The following ANGPTL5 variants were observed in gnomAD, a reference collection of about 807,000 sequenced individuals.
ANGPTL5 encodes the protein angiopoietin-related protein 5.
Under a neutral mutation model 39.4 loss-of-function variants are expected in ANGPTL5, and 34 were observed. The observed-to-expected ratio is 0.86, with a 90% CI of 0.66 to 1.15. ANGPTL5 has a LOEUF of 1.15. ANGPTL5 is among the 50% of genes most tolerant of loss of function. ANGPTL5 has a pLI of 0.00. For synonymous variants in ANGPTL5, 146 were observed against 152.1 expected (o/e 0.96, Z 0.29); for missense variants, 467 against 457.5 (o/e 1.02, Z -0.19).
intron 1 of ANGPTL5, 47 bp from the exon 2 acceptor site, chr11:101,908,048 A>T: frequency 1.5e-6 from 1 of 646,956 alleles, no homozygotes; most frequent in Non-Finnish European, 2.8e-6. Context: ...ACTAGTTTCC[A>T]TGCCCTGGTT....
intron 3 of ANGPTL5, 30 bp from the exon 4 acceptor site, chr11:101,905,877 T>A (rs764906583): frequency 7.2e-6 from 9 of 1,244,630 alleles, no homozygotes; most frequent in Non-Finnish European, 1.1e-5. Flanking sequence ...GGCTGTTAAA[T>A]ATTATATTGT....
In ANGPTL5 at chr11:101,891,387, C is replaced by A. The variant is rs142977782; in HGVS notation, c.1059G>T (p.Leu353Phe). ...TGCCCCATTGAATTCCAGTTGCAAGCAATTTTCCAGAGAAGTGATGAATGC... is the reference window on the plus strand; with the variant it reads ...TGCCCCATTGAATTCCAGTTGCAAGAAATTTTCCAGAGAAGTGATGAATGC... ...LNGIHHFSGK[L>F]LATGIQWGTW... Residue 353 changes from leucine to phenylalanine, a missense_variant, in exon 9 of 9, where the codon TTG (leucine) becomes TTT (phenylalanine). Transcript: ENST00000334289. 1 of 1,613,996 alleles carries A rather than the reference C, an allele frequency of 6.2e-7. No homozygotes were observed. The highest frequency in any genetic ancestry group is 8.5e-7 in the Non-Finnish European group (1 of 1,179,970).
At chr11:101,899,997 T>C (rs1939865428) in intron 7 of ANGPTL5, among the ~76,000 whole-genome samples, 1 of 152,198 alleles carries the variant, frequency 6.6e-6, no homozygotes, top group African/African-American at 2.4e-5. Context: ...AATAATATGC[T>C]CAGTTTAAAT....
At position 101,891,153 on chromosome 11, in the gene ANGPTL5, A is replaced by G; in HGVS notation, c.*126T>C. The G allele has an allele frequency of 2.4e-6, 2 of 821,078 alleles. No homozygotes were observed. The allele number at this position is 821,078 out of a possible 1,614,324, so 50.9% of individuals were successfully genotyped here. ...ATTGAAGTTTTCTAATTAAACTCAT[A>G]ACATCTAAATGCCATCTACAGTTAA... On this transcript the variant is annotated 3_prime_UTR_variant, in exon 9 of 9. Transcript: ENST00000334289.
intron 6 of ANGPTL5, 69 bp from the exon 7 acceptor site, chr11:101,900,619 T>C (rs1939877383): frequency 6.6e-7 from 1 of 1,523,576 alleles, no homozygotes; most frequent in South Asian, 1.1e-5. Context: ...ATAACACTCA[T>C]GCTTCATCCT....
At chr11:101,891,680 G>A in intron 8 of ANGPTL5, 82 bp from the exon 9 acceptor site, 1 of 1,303,624 alleles carries the variant, frequency 7.7e-7, no homozygotes, top group Non-Finnish European at 1.1e-6. Flanking sequence ...TTAGGCAAGA[G>A]CACCACATCT....
intron 1 of ANGPTL5, chr11:101,915,253 GGGCGAGCAGACA>G: frequency 6.2e-7 from 1 of 1,611,936 alleles, no homozygotes; most frequent in Non-Finnish European, 8.5e-7. Context: ...GAGGTTCTGG[GGGCGAGCAGACA>G]GGCGGCGCTG....
intron 7 of ANGPTL5, among the ~76,000 whole-genome samples, chr11:101,896,288 G>A (rs910147770): frequency 2.6e-5 from 4 of 151,002 alleles, no homozygotes; most frequent in South Asian, 2.1e-4. Context: ...CAGTTCAAGC[G>A]ATTCTCATGC....
intron 7 of ANGPTL5, among the ~76,000 whole-genome samples, chr11:101,899,117 T>C (rs1302354028): frequency 6.6e-6 from 1 of 152,220 alleles, no homozygotes; most frequent in South Asian, 2.1e-4. Flanking sequence ...TTTTTTGTTG[T>C]GTCTCTGCCA....
At chr11:101,912,024 C>T (rs932240800) in intron 1 of ANGPTL5, among the ~76,000 whole-genome samples, 1 of 152,232 alleles carries the variant, frequency 6.6e-6, no homozygotes, top group Non-Finnish European at 1.5e-5. Flanking sequence ...TGACATTGGT[C>T]TCTATCCCCC....
At chr11:101,904,583 G>A (rs1248148346) in intron 5 of ANGPTL5, among the ~76,000 whole-genome samples, 4 of 152,176 alleles carry the variant, frequency 2.6e-5, no homozygotes, top group Admixed American at 1.3e-4. Flanking sequence ...AACAGCTTCA[G>A]GATATCTTTA....
At chr11:101,915,199 GA>G in intron 1 of ANGPTL5, 1 of 1,577,200 alleles carries the variant, frequency 6.3e-7, no homozygotes, top group African/African-American at 1.3e-5. Flanking sequence ...GGAGTGTAGG[GA>G]GGGGCCGAGC....
intron 1 of ANGPTL5, chr11:101,915,237 A>G (rs765313268): frequency 2.5e-6 from 4 of 1,608,378 alleles, no homozygotes; most frequent in Non-Finnish European, 3.4e-6. Flanking sequence ...CGGAGCTGCC[A>G]TGAGGGAGGT....
chr11:101,909,928 C>G (rs772070244), intron 1 of ANGPTL5, among the ~76,000 whole-genome samples: 1 of 152,032 alleles, frequency 6.6e-6, no homozygotes, highest in Non-Finnish European at 1.5e-5. Context: ...CAGAGTATAC[C>G]CAAATAAGAT....
chr11:101,891,418 A>T lies in ANGPTL5; in HGVS notation c.1028T>A (p.Leu343Gln). The T allele has an allele frequency of 1.2e-6, 2 of 1,614,092 alleles. No individual in the cohort carries two copies. The highest frequency in any genetic ancestry group is 1.6e-4 in the Middle Eastern group (1 of 6,062). Residue 343 changes from leucine to glutamine, a missense_variant, in exon 9 of 9, where the codon CTA (leucine) becomes CAA (glutamine). Leu to Gln is a moderately radical substitution (Grantham distance 113). Transcript: ENST00000334289. Reference protein sequence around the residue: ...WWFNECGLANLNGIHHFSGKL... With the variant: ...WWFNECGLANQNGIHHFSGKL... ...TCCAGAGAAGTGATGAATGCCATTT[A>T]GATTTGCTAGACCACACTCGTTAAA...
chr11:101,898,033 G>T (rs1438080806), intron 7 of ANGPTL5, among the ~76,000 whole-genome samples: 1 of 152,096 alleles, frequency 6.6e-6, no homozygotes, highest in Admixed American at 6.6e-5. Context: ...AGATCAGCCT[G>T]ATCAACATGG....
chr11:101,915,374 T>A (rs2137072217), intron 1 of ANGPTL5: 1 of 1,613,850 alleles, frequency 6.2e-7, no homozygotes, highest in Middle Eastern at 1.6e-4. Context: ...CCCTCGGCCC[T>A]CGGGAGAGCG....
chr11:101,891,545 T>TA lies in ANGPTL5; in HGVS notation c.900dup (p.Ser301Ter). 2.5e-6 allele frequency: 4 copies of TA among 1,614,078 alleles called. No individual in the cohort carries two copies. The highest frequency in any genetic ancestry group is 3.4e-6 in the Non-Finnish European group (4 of 1,179,978). ...CCATCATTATCAACATCTGATGTGC[T>TA]AAAAGGCATTGCATTTTGATTATCT... On this transcript the variant is annotated frameshift_variant, in exon 9 of 9. Transcript: ENST00000334289. LOFTEE classifies it high-confidence loss of function.
At chr11:101,901,073 T>C (rs2137056986) in intron 6 of ANGPTL5, among the ~76,000 whole-genome samples, 1 of 149,402 alleles carries the variant, frequency 6.7e-6, no homozygotes, top group South Asian at 2.2e-4. Flanking sequence ...GAGACGGGGT[T>C]TCGCTGTGTT....
Sources: gnomAD v4.1 joint callset for allele counts (sites outside exome capture counted in the v4.1 genomes callset) on GRCh38, gnomAD v4.1.1 for gene constraint, MANE v1.5 for transcripts, NCBI Gene and HGNC (gene_info 2026-07-23, HGNC 2026-07-21) for gene names.